The following CCDC15 variants were observed in gnomAD, a reference collection of about 807,000 sequenced individuals.
CCDC15 encodes coiled-coil domain-containing protein 15.
In CCDC15, 105 loss-of-function variants were observed where a neutral mutation model predicts 114.5. That is an observed-to-expected ratio of 0.92 (90% CI 0.78 to 1.08). CCDC15 has a LOEUF of 1.08. CCDC15 is among the 50% of genes least tolerant of loss of function. CCDC15 has a pLI of 0.00. For missense variants in CCDC15, 1,105 were observed against 1,093.6 expected (o/e 1.01, Z -0.15); for synonymous variants, 334 against 377.8 (o/e 0.88, Z 1.34).
At chr11:124,993,392 G>A (rs540432614) in intron 11 of CCDC15, 149 bp downstream of exon 11, 2 of 612,926 alleles carry the variant, frequency 3.3e-6, no homozygotes, top group Non-Finnish European at 5.8e-6. Context: ...GTTAAGGTTA[G>A]TAATAACGGG....
At chr11:125,002,685 T>C (rs142599786) in intron 11 of CCDC15, among the ~76,000 whole-genome samples, 2 of 152,268 alleles carry the variant, frequency 1.3e-5, no homozygotes, top group East Asian at 3.9e-4. Flanking sequence ...TTGGCACTCT[T>C]ATTGAAAATC....
chr11:125,034,019 T>C lies in CCDC15; in HGVS notation c.2412-4412T>C, dbSNP rs531905891. On this transcript the variant is annotated intron_variant, in intron 13 of 15. Coordinates refer to ENST00000344762, the MANE Select transcript of CCDC15 (RefSeq NM_025004.3). Reference sequence around the variant, plus strand: ...GCCTGCTAGGACTTTAGTCTTGTTATAGGTCTAGAAGCAAACAGAGGTGTT... The same window carrying C: ...GCCTGCTAGGACTTTAGTCTTGTTACAGGTCTAGAAGCAAACAGAGGTGTT... 9.8e-5 allele frequency among the ~76,000 whole-genome samples: 15 copies of C among 152,342 alleles called. No individual in the cohort carries two copies. The South Asian group carries it at 3.1e-3, about 32-fold the overall frequency.
chr11:124,963,716 C>G (rs567654121), intron 4 of CCDC15, among the ~76,000 whole-genome samples: 1 of 152,248 alleles, frequency 6.6e-6, no homozygotes, highest in South Asian at 2.1e-4. Flanking sequence ...AAGTCCTTGC[C>G]CATGCCTGTG....
Position 124,954,634 on chromosome 11 carries a change from C to CT in CCDC15, c.-9-86dup, listed in dbSNP as rs1208373659. 5 of 1,164,504 alleles carry CT rather than the reference C, an allele frequency of 4.3e-6. No individual in the cohort carries two copies. The African/African-American group carries it at 6.1e-5, about 14-fold the overall frequency. 72.1% of individuals were successfully genotyped at this position (1,164,504 alleles called of 1,614,324 possible). On this transcript the variant is annotated intron_variant, in intron 1 of 15. Transcript: ENST00000344762. ...GGCTTCTGCCTCCAGGGCTTCTCTC[C>CT]TTTTCACGGGCCTGTGGCTCATGTG...
intron 13 of CCDC15, among the ~76,000 whole-genome samples, chr11:125,009,296 T>C (rs2135523621): frequency 6.6e-6 from 1 of 152,248 alleles, no homozygotes; most frequent in South Asian, 2.1e-4. Flanking sequence ...ATTGACATAC[T>C]ATGCATAATG....
chr11:124,968,620 G>T (rs893877148), intron 4 of CCDC15, among the ~76,000 whole-genome samples: 1 of 152,114 alleles, frequency 6.6e-6, no homozygotes, highest in Non-Finnish European at 1.5e-5. Context: ...CCTGGGTGAG[G>T]CGATGCCCCA....
chr11:125,032,233 C>T (rs532759795), intron 13 of CCDC15, among the ~76,000 whole-genome samples: 8 of 152,258 alleles, frequency 5.3e-5, no homozygotes, highest in East Asian at 1.9e-4. Flanking sequence ...GACACAAAGC[C>T]GGAGAGTTGA....
intron 13 of CCDC15, among the ~76,000 whole-genome samples, chr11:125,036,568 T>G (rs569793070): frequency 2.6e-5 from 4 of 152,140 alleles, no homozygotes; most frequent in African/African-American, 9.7e-5. Flanking sequence ...ACCCTCATCT[T>G]TCGATTTCCT....
At chr11:124,955,712 T>C (rs1947536546) in intron 2 of CCDC15, among the ~76,000 whole-genome samples, 1 of 152,248 alleles carries the variant, frequency 6.6e-6, no homozygotes, top group Non-Finnish European at 1.5e-5. Flanking sequence ...GTTCCCTCAG[T>C]GTACTTGATC....
At chr11:125,011,667 C>T (rs975567039) in intron 13 of CCDC15, among the ~76,000 whole-genome samples, 10 of 152,064 alleles carry the variant, frequency 6.6e-5, no homozygotes, top group Non-Finnish European at 1.2e-4. Flanking sequence ...GTAGTTTATT[C>T]GTGGGATAAC....
Position 125,034,326 on chromosome 11 carries a change from A to G in CCDC15, c.2412-4105A>G, listed in dbSNP as rs548700747. Among the ~76,000 whole-genome samples the G allele has an allele frequency of 2.1e-3, 321 of 152,198 alleles. 2 individuals are homozygous for G. Among genetic ancestry groups the G allele is most frequent in the African/African-American group, 7.3e-3 (302 of 41,504 alleles). Reference sequence around the variant, plus strand: ...AGTTGCAAGGTCCCATTCTTTTCCAATCAATGCCCTCATTTTAACAGTAGA... The same window carrying G: ...AGTTGCAAGGTCCCATTCTTTTCCAGTCAATGCCCTCATTTTAACAGTAGA... On this transcript the variant is annotated intron_variant, in intron 13 of 15. Transcript: ENST00000344762.
intron 13 of CCDC15, among the ~76,000 whole-genome samples, chr11:125,023,720 T>C (rs1048681265): frequency 6.6e-6 from 1 of 152,146 alleles, no homozygotes; most frequent in Non-Finnish European, 1.5e-5. Context: ...ACAGCCACTT[T>C]GGAAACTCGC....
chr11:124,977,308 G>T (rs1386402211), intron 5 of CCDC15, among the ~76,000 whole-genome samples, 170 bp from the exon 6 acceptor site: 7 of 152,074 alleles, frequency 4.6e-5, no homozygotes, highest in African/African-American at 1.4e-4. Context: ...TTATATGTGA[G>T]CGCTTTGTTT....
chr11:125,020,389 T>C (rs1269190125), intron 13 of CCDC15, among the ~76,000 whole-genome samples: 1 of 151,984 alleles, frequency 6.6e-6, no homozygotes, highest in Non-Finnish European at 1.5e-5. Flanking sequence ...ATTAGTGCTT[T>C]GGCATTATAT....
At chr11:125,007,285 A>G (rs1008566895) in intron 13 of CCDC15, among the ~76,000 whole-genome samples, 2 of 152,004 alleles carry the variant, frequency 1.3e-5, no homozygotes, top group Non-Finnish European at 2.9e-5. Context: ...TTCTACCTCT[A>G]TGGGATCAGC....
intron 13 of CCDC15, among the ~76,000 whole-genome samples, chr11:125,006,265 G>A (rs1445648801): frequency 6.6e-6 from 1 of 152,120 alleles, no homozygotes; most frequent in Admixed American, 6.5e-5. Flanking sequence ...ATTCTAGTAG[G>A]TGTGTAGTAG....
intron 13 of CCDC15, among the ~76,000 whole-genome samples, chr11:125,015,254 C>T (rs1046005845): frequency 3.3e-5 from 5 of 151,948 alleles, no homozygotes; most frequent in African/African-American, 9.7e-5. Flanking sequence ...AGTGCAAAAT[C>T]GGTGAAATAT....
intron 11 of CCDC15, among the ~76,000 whole-genome samples, chr11:125,001,488 G>A (rs563421558): frequency 6.6e-6 from 1 of 152,278 alleles, no homozygotes; most frequent in South Asian, 2.1e-4. Context: ...TTGTGTTTGT[G>A]GCATTAACCA....
chr11:124,979,919 C>T lies in CCDC15; in HGVS notation c.753+2319C>T, dbSNP rs190331592. On this transcript the variant is annotated intron_variant, in intron 6 of 15. Coordinates refer to ENST00000344762, the MANE Select transcript of CCDC15 (RefSeq NM_025004.3). ...GCTCTGGGTTTTTTGTTATAGATGG[C>T]TATTTTTATTTTGAAGTATATTCCT... Among the ~76,000 whole-genome samples the T allele has an allele frequency of 1.7e-3, 252 of 152,132 alleles. 1 individual carries two copies. In the Middle Eastern group the frequency reaches 0.017, roughly 10 times the overall value.
Sources: gnomAD v4.1 joint callset for allele counts (sites outside exome capture counted in the v4.1 genomes callset) on GRCh38, gnomAD v4.1.1 for gene constraint, MANE v1.5 for transcripts, NCBI Gene and HGNC (gene_info 2026-07-23, HGNC 2026-07-21) for gene names.